The following STARD3NL variants were observed in gnomAD, a reference collection of about 807,000 sequenced individuals.
The protein encoded by STARD3NL is STARD3 N-terminal-like protein.
In STARD3NL, 17 loss-of-function variants were observed where a neutral mutation model predicts 30.9. The observed-to-expected ratio is 0.55, with a 90% CI of 0.38 to 0.82. The LOEUF (loss-of-function observed/expected upper bound fraction) is 0.82. Among genes scored for constraint, STARD3NL ranks in the 40% least tolerant of loss-of-function variants. STARD3NL has a pLI of 0.00. For missense variants in STARD3NL, 234 were observed against 277.6 expected (o/e 0.84, Z 1.12); for synonymous variants, 112 against 100.5 (o/e 1.11, Z -0.69).
chr7:38,182,305 G>C (rs1241933191), intron 1 of STARD3NL, among the ~76,000 whole-genome samples: 1 of 152,058 alleles, frequency 6.6e-6, no homozygotes, highest in Admixed American at 6.6e-5. Context: ...GTTATCAAGG[G>C]GTCCTTTGAG....
At chr7:38,186,594 T>C (rs1341889043) in intron 1 of STARD3NL, among the ~76,000 whole-genome samples, 8 of 152,220 alleles carry the variant, frequency 5.3e-5, no homozygotes, top group Admixed American at 5.2e-4. Flanking sequence ...AAAATTATAA[T>C]ACCATATTTT....
At chr7:38,203,851 T>G (rs1332088702) in intron 1 of STARD3NL, among the ~76,000 whole-genome samples, 2 of 151,984 alleles carry the variant, frequency 1.3e-5, no homozygotes, top group African/African-American at 4.8e-5. Context: ...AAAACAGACT[T>G]TAAACCAAGA....
chr7:38,209,552 G>A (rs1332246738), intron 2 of STARD3NL, among the ~76,000 whole-genome samples: 1 of 152,118 alleles, frequency 6.6e-6, no homozygotes, highest in African/African-American at 2.4e-5. Context: ...CCAAAGTGCT[G>A]GGATTATAGG....
chr7:38,210,925 G>A (rs958938087), intron 2 of STARD3NL, among the ~76,000 whole-genome samples: 5 of 152,152 alleles, frequency 3.3e-5, no homozygotes. Context: ...TGGGCAAGCT[G>A]TTTAATAAGT....
rs1268822188 is a variant in STARD3NL, at chr7:38,178,304, C to G, written c.-175C>G. The G allele has an allele frequency of 2.6e-5, 4 of 152,288 alleles. No individual in the cohort carries two copies. In the East Asian group the frequency reaches 5.8e-4, roughly 22 times the overall value. 9.4% of individuals were successfully genotyped at this position (152,288 alleles called of 1,614,324 possible). A position where few individuals can be genotyped will look rare whatever the true frequency, so the allele number is the denominator to read the frequency against. On this transcript the variant is annotated 5_prime_UTR_variant, in exon 1 of 9. Coordinates refer to ENST00000009041, the MANE Select transcript of STARD3NL (RefSeq NM_032016.4). ...TGCGGGCGGTGGGCTGCGCGTTGTC[C>G]GCTGGACTGGGTCCCGGTCACGCCC...
chr7:38,207,846 A>C, intron 2 of STARD3NL, 117 bp downstream of exon 2: 1 of 983,478 alleles, frequency 1.0e-6, no homozygotes, highest in East Asian at 2.6e-5. Context: ...TTTCCAAATG[A>C]AGCCATTGCT....
chr7:38,206,997 CT>C (rs1362681161), intron 1 of STARD3NL, among the ~76,000 whole-genome samples: 1 of 152,068 alleles, frequency 6.6e-6, no homozygotes, highest in Admixed American at 6.6e-5. Context: ...TGGAAATAAG[CT>C]TTTTTATAGC....
rs1032363189 is a variant in STARD3NL, at chr7:38,207,719, T to C, written c.215T>C (p.Ile72Thr). The C allele has an allele frequency of 1.9e-6, 3 of 1,613,904 alleles. No individual in the cohort carries two copies. Among genetic ancestry groups the C allele is most frequent in the Non-Finnish European group, 2.5e-6 (3 of 1,179,854 alleles). Reference protein sequence around the residue: ...DLLFVTLLWIIELNVNGGIEN... With the variant: ...DLLFVTLLWITELNVNGGIEN... ...TTATTCGTAACATTACTGTGGATAA[T>C]AGAGTTAAATGTAAGTTGGTGGTTC... The change falls in exon 2 of 9, where the codon ATA becomes ACA. Residue 72 changes from isoleucine to threonine, a missense_variant. Physicochemically the swap from Ile to Thr is moderately conservative, Grantham distance 89 (BLOSUM62 -1). Transcript: ENST00000009041.
At chr7:38,213,945 C>T (rs150622718) in intron 2 of STARD3NL, among the ~76,000 whole-genome samples, 6 of 152,288 alleles carry the variant, frequency 3.9e-5, no homozygotes, top group East Asian at 1.9e-4. Context: ...GCCCGGATGT[C>T]GGGGAGTCTT....
chr7:38,220,227 C>T (rs1786373776), intron 7 of STARD3NL, among the ~76,000 whole-genome samples: 1 of 152,178 alleles, frequency 6.6e-6, no homozygotes, highest in Admixed American at 6.5e-5. Flanking sequence ...CCAGTTTTGT[C>T]TTTCACTAAC....
At chr7:38,226,797 G>A (rs1295646718) in intron 7 of STARD3NL, among the ~76,000 whole-genome samples, 2 of 152,230 alleles carry the variant, frequency 1.3e-5, no homozygotes, top group Non-Finnish European at 1.5e-5. Context: ...CATGAGCATG[G>A]CTCCCCACTC....
chr7:38,178,642 C>G lies in STARD3NL; in HGVS notation c.-59+222C>G, dbSNP rs542018083. ...TGAAGTTGCAGAATGCTGAGCCCCG[C>G]TGCTCCCACGGCGTGGGCCGGGATT... On this transcript the variant is annotated intron_variant, in intron 1 of 8. Transcript: ENST00000009041. Among the ~76,000 whole-genome samples, 5 of 152,310 alleles carry G rather than the reference C, an allele frequency of 3.3e-5. No homozygotes were observed. The East Asian group carries it at 9.7e-4, about 29-fold the overall frequency.
intron 1 of STARD3NL, among the ~76,000 whole-genome samples, chr7:38,192,384 G>A (rs1431215110): frequency 6.6e-6 from 1 of 152,136 alleles, no homozygotes; most frequent in Non-Finnish European, 1.5e-5. Flanking sequence ...CTTTGATAGG[G>A]GCAGAGAGGG....
chr7:38,189,174 G>C (rs943764636), intron 1 of STARD3NL, among the ~76,000 whole-genome samples: 6 of 152,062 alleles, frequency 3.9e-5, no homozygotes, highest in African/African-American at 1.5e-4. Flanking sequence ...GCATTCAAGA[G>C]TGAGAAGATT....
chr7:38,191,156 G>A (rs1784671081), intron 1 of STARD3NL, among the ~76,000 whole-genome samples: 1 of 152,122 alleles, frequency 6.6e-6, no homozygotes. Context: ...AATGGTCCTT[G>A]CCTGAATCTG....
chr7:38,215,738 C>G (rs1860523), intron 4 of STARD3NL: 32,816 of 152,302 alleles, frequency 0.22, 3,964 homozygotes, highest in Admixed American at 0.33. Flanking sequence ...TTTAATAAGT[C>G]AGTTCTATGG....
intron 6 of STARD3NL, among the ~76,000 whole-genome samples, chr7:38,219,011 G>A (rs1786290625): frequency 6.6e-6 from 1 of 152,084 alleles, no homozygotes; most frequent in South Asian, 2.1e-4. Flanking sequence ...TTTTGATACT[G>A]TGCTTTTTTG....
chr7:38,217,443 C>T, intron 6 of STARD3NL, 138 bp downstream of exon 6: 1 of 736,230 alleles, frequency 1.4e-6, no homozygotes, highest in Non-Finnish European at 2.2e-6. Context: ...TTAGTGGCTA[C>T]AGCAGAAATC....
At chr7:38,223,725 T>C (rs1006902952) in intron 7 of STARD3NL, among the ~76,000 whole-genome samples, 3 of 146,352 alleles carry the variant, frequency 2.0e-5, no homozygotes, top group Non-Finnish European at 4.6e-5. Flanking sequence ...ACACAGCTTT[T>C]TCCTTTTAAT....
Sources: allele counts gnomAD v4.1 joint callset (sites outside exome capture counted in the v4.1 genomes callset), GRCh38; gene constraint gnomAD v4.1.1; transcripts MANE v1.5; gene names NCBI Gene and HGNC (gene_info 2026-07-23, HGNC 2026-07-21).